DEPDC1B: variants seen among roughly 807,000 people sequenced by gnomAD.
The protein encoded by DEPDC1B is DEP domain containing 1B, also known as DEP domain-containing protein 1B.
A neutral mutation model predicts 66.5 loss-of-function variants in DEPDC1B; 51 were observed. That is an observed-to-expected ratio of 0.77 (90% CI 0.61 to 0.97). The LOEUF is 0.97. Among genes scored for constraint, DEPDC1B ranks in the 50% least tolerant of loss-of-function variants. DEPDC1B has a pLI of 0.00. For synonymous variants in DEPDC1B, 226 were observed against 223.6 expected, an observed-to-expected ratio of 1.01 and a Z score of -0.10; for missense variants, 552 against 637.1, an observed-to-expected ratio of 0.87 and a Z score of 1.44.
At chr5:60,667,290 G>A (rs904377474) in intron 2 of DEPDC1B, among the ~76,000 whole-genome samples, 12 of 151,460 alleles carry the variant, frequency 7.9e-5, no homozygotes, top group African/African-American at 2.9e-4. Flanking sequence ...ATACCATAAA[G>A]TGAAAAAAAG....
chr5:60,662,539 T>C (rs1255284780), intron 2 of DEPDC1B, among the ~76,000 whole-genome samples: 1 of 152,214 alleles, frequency 6.6e-6, no homozygotes, highest in East Asian at 1.9e-4. Flanking sequence ...GCTTTAGTCA[T>C]GGCCCTCAGG....
chr5:60,624,657 T>C (rs1013765688), intron 7 of DEPDC1B, among the ~76,000 whole-genome samples: 19 of 152,178 alleles, frequency 1.2e-4, no homozygotes, highest in Non-Finnish European at 2.6e-4. Context: ...GAAAACTTAG[T>C]ACAATTTCAA....
chr5:60,615,047 G>C (rs961920823), intron 7 of DEPDC1B, among the ~76,000 whole-genome samples: 3 of 152,098 alleles, frequency 2.0e-5, no homozygotes, highest in Non-Finnish European at 4.4e-5. Flanking sequence ...AAGTTATGAA[G>C]AACAAAACCA....
At chr5:60,679,431 T>C (rs1353789918) in intron 2 of DEPDC1B, among the ~76,000 whole-genome samples, 1 of 151,812 alleles carries the variant, frequency 6.6e-6, no homozygotes, top group Non-Finnish European at 1.5e-5. Context: ...AAAATCAGTA[T>C]TTTGAAAATA....
Position 60,652,660 on chromosome 5 carries a change from A to G in DEPDC1B, c.315-5127T>C, listed in dbSNP as rs907335798. 2.2e-4 allele frequency among the ~76,000 whole-genome samples: 33 copies of G among 148,886 alleles called. 6 individuals are homozygous for G. The East Asian group carries it at 6.4e-3, about 29-fold the overall frequency. On this transcript the variant is annotated intron_variant, in intron 2 of 10. Coordinates refer to ENST00000265036, the MANE Select transcript of DEPDC1B (RefSeq NM_018369.3). ...GGACAGGTGGTGTTTGGTTACATGA[A>G]TAAGTTCTTCAGTGATGATTTCTGA...
intron 9 of DEPDC1B, among the ~76,000 whole-genome samples, chr5:60,601,267 T>A (rs1752195001): frequency 6.6e-6 from 1 of 152,262 alleles, no homozygotes; most frequent in African/African-American, 2.4e-5. Context: ...TGTTCATTTT[T>A]ATTTTCTTTA....
rs778882091 is a variant in DEPDC1B at position 60,647,545 on chromosome 5, G to C, written c.315-12C>G. On this transcript the variant is annotated splice_polypyrimidine_tract_variant and intron_variant, in intron 2 of 10. Coordinates refer to ENST00000265036, the MANE Select transcript of DEPDC1B (RefSeq NM_018369.3). The stretch of plus-strand genomic sequence containing the variant: ...AAGAAGGAGGAAATCTAAAACCCAA[G>C]AAGAAATTCTCTATTACTGCAGTCA... 6.2e-7 allele frequency: 1 copy of C among 1,610,328 alleles called. No homozygotes were observed. Among genetic ancestry groups the C allele is most frequent in the Non-Finnish European group, 8.5e-7 (1 of 1,178,932 alleles).
intron 7 of DEPDC1B, chr5:60,628,458 A>C (rs2111811831): frequency 6.6e-6 from 1 of 152,362 alleles, no homozygotes; most frequent in East Asian, 1.9e-4. Flanking sequence ...GAAGAAACTC[A>C]GAAGAGTTAA....
intron 7 of DEPDC1B, among the ~76,000 whole-genome samples, chr5:60,633,380 C>T (rs747277616): frequency 6.6e-6 from 1 of 152,214 alleles, no homozygotes; most frequent in Non-Finnish European, 1.5e-5. Flanking sequence ...TCTCTCTACT[C>T]CATGTAAAAT....
intron 1 of DEPDC1B, among the ~76,000 whole-genome samples, chr5:60,692,861 A>ATTTTC (rs1754577628): frequency 6.6e-6 from 1 of 152,158 alleles, no homozygotes; most frequent in Non-Finnish European, 1.5e-5. Context: ...ATCTCAGAAA[A>ATTTTC]TAATATTGAG....
chr5:60,612,005 G>A (rs1163346332), intron 7 of DEPDC1B, among the ~76,000 whole-genome samples: 1 of 152,188 alleles, frequency 6.6e-6, no homozygotes, highest in African/African-American at 2.4e-5. Flanking sequence ...GGGAGAAGTC[G>A]ATATTTGGCT....
chr5:60,684,212 A>G (rs144862201), intron 2 of DEPDC1B, among the ~76,000 whole-genome samples: 60 of 152,330 alleles, frequency 3.9e-4, no homozygotes, highest in African/African-American at 1.4e-3. Flanking sequence ...GTCTTTATCA[A>G]ATTACAAATG....
At chr5:60,665,695 G>A (rs928694667) in intron 2 of DEPDC1B, among the ~76,000 whole-genome samples, 4 of 152,126 alleles carry the variant, frequency 2.6e-5, no homozygotes, top group African/African-American at 9.7e-5. Context: ...TGTTGGAAGC[G>A]GGGACCGAGA....
intron 2 of DEPDC1B, among the ~76,000 whole-genome samples, chr5:60,666,450 C>G (rs976910654): frequency 6.6e-6 from 1 of 152,256 alleles, no homozygotes; most frequent in South Asian, 2.1e-4. Context: ...AACAAAGACC[C>G]CCCCCATAAC....
chr5:60,630,342 C>T (rs766805516), intron 7 of DEPDC1B, among the ~76,000 whole-genome samples: 2 of 152,156 alleles, frequency 1.3e-5, no homozygotes, highest in African/African-American at 2.4e-5. Flanking sequence ...GATGTGCGCT[C>T]GGCACGGCTG....
At chr5:60,623,186 G>T (rs1752745039) in intron 7 of DEPDC1B, among the ~76,000 whole-genome samples, 1 of 152,068 alleles carries the variant, frequency 6.6e-6, no homozygotes, top group Non-Finnish European at 1.5e-5. Flanking sequence ...CAGTATAAAG[G>T]TTCACTTTTT....
intron 8 of DEPDC1B, 67 bp downstream of exon 8, chr5:60,605,623 A>C: frequency 6.5e-7 from 1 of 1,532,578 alleles, no homozygotes; most frequent in Non-Finnish European, 8.8e-7. Context: ...GATCACCCAA[A>C]CTAATACACC....
At chr5:60,699,245 C>T (rs944211711) in intron 1 of DEPDC1B, among the ~76,000 whole-genome samples, 4 of 152,052 alleles carry the variant, frequency 2.6e-5, no homozygotes, top group Admixed American at 2.6e-4. Context: ...ATGCATGGAA[C>T]TATGAGAGTA....
At chr5:60,654,657 T>C (rs1416898665) in intron 2 of DEPDC1B, among the ~76,000 whole-genome samples, 1 of 148,852 alleles carries the variant, frequency 6.7e-6, no homozygotes, top group African/African-American at 2.5e-5. Context: ...GGACTTCCAG[T>C]ACTATGTTGA....
Sources: gnomAD v4.1 joint callset for allele counts (sites outside exome capture counted in the v4.1 genomes callset) on GRCh38, gnomAD v4.1.1 for gene constraint, MANE v1.5 for transcripts, NCBI Gene and HGNC (gene_info 2026-07-23, HGNC 2026-07-21) for gene names.